The following GRIK2 variants were observed in gnomAD, a reference collection of about 807,000 sequenced individuals.
The protein encoded by GRIK2 is glutamate receptor ionotropic, kainate 2.
GRIK2 carries 32 observed loss-of-function variants against 100.3 expected under a neutral mutation model. The observed-to-expected ratio is 0.32, with a 90% CI of 0.24 to 0.43. GRIK2 has a LOEUF of 0.43. GRIK2 is among the 20% of genes least tolerant of loss of function. The pLI is 1.00. For missense variants in GRIK2, 843 were observed against 1,114.9 expected, an observed-to-expected ratio of 0.76 and a Z score of 3.47; for synonymous variants, 417 against 389.4, an observed-to-expected ratio of 1.07 and a Z score of -0.83.
At chr6:101,607,181 A>G (rs979336611) in intron 2 of GRIK2, among the ~76,000 whole-genome samples, 2 of 151,898 alleles carry the variant, frequency 1.3e-5, no homozygotes, top group African/African-American at 4.8e-5. Context: ...TGGGTTGGGA[A>G]ACCGTTTCAG....
chr6:101,576,690 C>T (rs765168200), intron 2 of GRIK2, among the ~76,000 whole-genome samples: 1 of 151,968 alleles, frequency 6.6e-6, no homozygotes, highest in Non-Finnish European at 1.5e-5. Flanking sequence ...CAGAATCAAA[C>T]ATATTTAGGT....
intron 2 of GRIK2, among the ~76,000 whole-genome samples, chr6:101,546,997 A>T (rs1776275359): frequency 6.7e-6 from 1 of 149,506 alleles, no homozygotes; most frequent in Admixed American, 6.7e-5. Flanking sequence ...CGCCCAGCTA[A>T]TTTTTTTGTA....
chr6:101,665,343 A>G (rs1013059705), intron 4 of GRIK2, among the ~76,000 whole-genome samples: 1 of 152,074 alleles, frequency 6.6e-6, no homozygotes, highest in Non-Finnish European at 1.5e-5. Flanking sequence ...TTACTATACA[A>G]TTTTCTATGA....
At chr6:101,554,500 A>T (rs1323030898) in intron 2 of GRIK2, among the ~76,000 whole-genome samples, 1 of 152,134 alleles carries the variant, frequency 6.6e-6, no homozygotes, top group East Asian at 1.9e-4. Context: ...AGGATATATA[A>T]AGAAATAAAA....
At chr6:101,556,421 G>A (rs1244202282) in intron 2 of GRIK2, among the ~76,000 whole-genome samples, 1 of 136,066 alleles carries the variant, frequency 7.3e-6, no homozygotes, top group East Asian at 2.3e-4. Context: ...TGCAAGCTCC[G>A]CCTTCCAGGT....
intron 2 of GRIK2, among the ~76,000 whole-genome samples, chr6:101,475,294 T>C (rs933056560): frequency 2.6e-5 from 4 of 151,942 alleles, no homozygotes; most frequent in Non-Finnish European, 4.4e-5. Flanking sequence ...GTCAACTTGG[T>C]GAGCAAGCAC....
chr6:101,782,607 G>A (rs992710425), intron 7 of GRIK2, among the ~76,000 whole-genome samples: 3 of 152,016 alleles, frequency 2.0e-5, no homozygotes, highest in African/African-American at 7.3e-5. Flanking sequence ...CTATTCATGT[G>A]CTGATGAACA....
chr6:101,933,163 G>A (rs1790395103), intron 14 of GRIK2, among the ~76,000 whole-genome samples: 1 of 151,870 alleles, frequency 6.6e-6, no homozygotes, highest in African/African-American at 2.4e-5. Flanking sequence ...TCTTAATTAA[G>A]CCTTGTGGCC....
In GRIK2 at chr6:101,791,763, G is replaced by A. The variant is rs566646959; in HGVS notation, c.952-7885G>A. ...CTGAGTTCAATTCCTGGGTATCCTT[G>A]TTAACTTTCTGTCTCGTTGATCTGT... On this transcript the variant is annotated intron_variant, in intron 7 of 16. Coordinates refer to ENST00000369134, the MANE Select transcript of GRIK2 (RefSeq NM_021956.5). Among the ~76,000 whole-genome samples, 169 of 152,014 alleles carry A rather than the reference G, an allele frequency of 1.1e-3. 1 individual carries two copies. The highest frequency in any genetic ancestry group is 3.2e-3 in the African/African-American group (132 of 41,344).
chr6:101,725,803 A>T (rs1774821745), intron 7 of GRIK2, among the ~76,000 whole-genome samples: 1 of 151,962 alleles, frequency 6.6e-6, no homozygotes, highest in Admixed American at 6.6e-5. Flanking sequence ...GACTGTCGTT[A>T]ACTCTGATGT....
At chr6:101,981,000 G>A (rs976552936) in intron 14 of GRIK2, among the ~76,000 whole-genome samples, 1 of 149,360 alleles carries the variant, frequency 6.7e-6, no homozygotes, top group Non-Finnish European at 1.5e-5. Context: ...TTTTTATAAG[G>A]CTTATTCCCA....
intron 2 of GRIK2, among the ~76,000 whole-genome samples, chr6:101,516,158 C>T (rs972554846): frequency 2.0e-5 from 3 of 151,782 alleles, no homozygotes; most frequent in Non-Finnish European, 4.4e-5. Context: ...AATGACCATA[C>T]TGCCAAAAGC....
In GRIK2 at chr6:101,687,769, G is replaced by A. The variant is rs915729545; in HGVS notation, c.951+1416G>A. 5.9e-5 allele frequency among the ~76,000 whole-genome samples: 9 copies of A among 151,638 alleles called. No individual in the cohort carries two copies. In the South Asian group the frequency reaches 1.0e-3, roughly 17 times the overall value. On this transcript the variant is annotated intron_variant, in intron 7 of 16. Transcript: ENST00000369134. ...AAACACTATAGGGAAATTGTACTTC[G>A]TTGCATAAAGAGATAGTTGAACAGT...
chr6:101,579,316 A>G (rs1258763817), intron 2 of GRIK2, among the ~76,000 whole-genome samples: 1 of 152,174 alleles, frequency 6.6e-6, no homozygotes, highest in Non-Finnish European at 1.5e-5. Context: ...TCATAATACC[A>G]TAATAACTTT....
At chr6:102,009,778 C>T (rs1401624002) in intron 14 of GRIK2, among the ~76,000 whole-genome samples, 3 of 152,080 alleles carry the variant, frequency 2.0e-5, no homozygotes, top group African/African-American at 7.2e-5. Context: ...TGGACACACT[C>T]AACAACTATA....
intron 2 of GRIK2, among the ~76,000 whole-genome samples, chr6:101,589,582 C>T (rs1472299662): frequency 6.6e-6 from 1 of 152,096 alleles, no homozygotes; most frequent in Non-Finnish European, 1.5e-5. Context: ...GTTTATTTCA[C>T]TTAACATAAT....
chr6:101,576,379 G>GT (rs1777788217), intron 2 of GRIK2, among the ~76,000 whole-genome samples: 1 of 152,042 alleles, frequency 6.6e-6, no homozygotes, highest in African/African-American at 2.4e-5. Context: ...CATTTATGAT[G>GT]TTTATGAGGT....
intron 7 of GRIK2, among the ~76,000 whole-genome samples, chr6:101,750,405 C>T (rs973536278): frequency 1.3e-4 from 20 of 152,014 alleles, no homozygotes; most frequent in African/African-American, 1.2e-4. Context: ...CCCTTCTCAC[C>T]GAGGCCCAGA....
At chr6:101,504,532 A>C (rs150666712) in intron 2 of GRIK2, among the ~76,000 whole-genome samples, 70 of 151,906 alleles carry the variant, frequency 4.6e-4, no homozygotes, top group African/African-American at 1.5e-3. Context: ...AAGAAAAAGA[A>C]CAACAATATA....
Sources: gnomAD v4.1 joint callset for allele counts (sites outside exome capture counted in the v4.1 genomes callset) on GRCh38, gnomAD v4.1.1 for gene constraint, MANE v1.5 for transcripts, NCBI Gene and HGNC (gene_info 2026-07-23, HGNC 2026-07-21) for gene names.